Variants in CREG1 observed in about 807,000 individuals in gnomAD.
CREG1 encodes protein CREG1.
In CREG1, 20 loss-of-function variants were observed where a neutral mutation model predicts 19.9. That is an observed-to-expected ratio of 1.01 (90% CI 0.71 to 1.46). The LOEUF (loss-of-function observed/expected upper bound fraction) is 1.46. Ranked by LOEUF, CREG1 falls within the 40% of genes most tolerant of loss-of-function variation. CREG1 has a pLI of 0.00. For missense variants in CREG1, 290 were observed against 314.9 expected, an observed-to-expected ratio of 0.92 and a Z score of 0.60; for synonymous variants, 141 against 143.3, an observed-to-expected ratio of 0.98 and a Z score of 0.12.
At position 167,547,989 on chromosome 1, in the gene CREG1, G is replaced by A. The variant is rs895862727; in HGVS notation, c.474+13C>T. ...TCTGAAACCATCTCCCTTCCTGTAG[G>A]ATAACTACTTACCTTGGTCACAGTT... is the stretch of plus-strand genomic sequence containing the variant. On this transcript the variant is annotated intron_variant, in intron 2 of 3. Transcript: ENST00000370509. 6.2e-7 allele frequency: 1 copy of A among 1,601,010 alleles called. No homozygotes were observed. The highest frequency in any genetic ancestry group is 1.3e-5 in the African/African-American group (1 of 74,612).
rs1013648567 is a variant in CREG1 at position 167,553,672 on chromosome 1, G to A, written c.70C>T (p.Leu24=). 4 of 1,331,760 alleles carry A rather than the reference G, an allele frequency of 3.0e-6. No homozygotes were observed. The South Asian group carries it at 8.1e-5, about 27-fold the overall frequency. 82.5% of individuals were successfully genotyped at this position (1,331,760 alleles called of 1,614,324 possible). The change falls in exon 1 of 4, where the codon CTG becomes TTG. Residue 24 remains leucine, a synonymous_variant. Coordinates refer to ENST00000370509, the MANE Select transcript of CREG1 (RefSeq NM_003851.3). ...CGACCCCGCGCGGGCGACACGAGCA[G>A]CGCCAACAGCGTCGACGCCAGCAGG... ...AALLASTLLA[L]LVSPARGRGG...
chr1:167,547,684 G>A (rs541003602), intron 2 of CREG1, among the ~76,000 whole-genome samples: 3 of 152,276 alleles, frequency 2.0e-5, no homozygotes, highest in South Asian at 2.1e-4. Flanking sequence ...ACTTTGGGAG[G>A]TCGAGGTGGG....
intron 3 of CREG1, among the ~76,000 whole-genome samples, chr1:167,542,910 T>C (rs1002997390): frequency 6.6e-6 from 1 of 152,232 alleles, no homozygotes; most frequent in Non-Finnish European, 1.5e-5. Flanking sequence ...AACATGCTGC[T>C]GCCCAGACTT....
chr1:167,553,729 A>G lies in CREG1; in HGVS notation c.13T>C (p.Ser5Pro). The G allele has an allele frequency of 7.8e-7, 1 of 1,287,108 alleles. No homozygotes were observed. The highest frequency in any genetic ancestry group is 9.8e-7 in the Non-Finnish European group (1 of 1,021,110). 79.7% of individuals were successfully genotyped at this position (1,287,108 alleles called of 1,614,324 possible). A position where few individuals can be genotyped will look rare whatever the true frequency, so the allele number is the denominator to read the frequency against. MAGL[S>P]RGSARALLAA... ...AGCAGTGCGCGCGCGGACCCGCGGG[A>G]TAGCCCGGCCATGGCGGTGTCTCCA... is the stretch of plus-strand genomic sequence containing the variant. The change falls in exon 1 of 4, where the codon TCC becomes CCC. Residue 5 changes from serine to proline, a missense_variant. Physicochemically the swap from Ser to Pro is moderately conservative, Grantham distance 74 (BLOSUM62 -1). Coordinates refer to ENST00000370509, the MANE Select transcript of CREG1 (RefSeq NM_003851.3).
At chr1:167,546,391 C>A in intron 2 of CREG1, 106 bp from the exon 3 acceptor site, 1 of 737,796 alleles carries the variant, frequency 1.4e-6, no homozygotes. Flanking sequence ...CGCCTGTAAT[C>A]CCAGCACTTT....
At chr1:167,549,861 A>AT (rs1295411206) in intron 1 of CREG1, among the ~76,000 whole-genome samples, 1 of 150,276 alleles carries the variant, frequency 6.7e-6, no homozygotes, top group Non-Finnish European at 1.5e-5. Context: ...ATATTTTTTT[A>AT]TTTTTTGTAG....
intron 2 of CREG1, 71 bp downstream of exon 2, chr1:167,547,931 T>C (rs755372389): frequency 3.3e-6 from 5 of 1,508,046 alleles, no homozygotes; most frequent in Non-Finnish European, 4.6e-6. Context: ...AAAAGAAAAA[T>C]GATCTATTCT....
chr1:167,553,435 G>GCACGCCGCTGCC lies in CREG1; in HGVS notation c.295_306dup (p.Gly99_Val102dup). On this transcript the variant is annotated inframe_insertion, in exon 1 of 4. Transcript: ENST00000370509. The stretch of plus-strand genomic sequence containing the variant: ...TGCAGCGGGCTCAGGTAGAAATAGG[G>GCACGCCGCTGCC]CACGCCGCTGCCCGCGCCCGGGGGC... 1 of 1,475,888 alleles carries GCACGCCGCTGCC rather than the reference G, an allele frequency of 6.8e-7. No homozygotes were observed. The highest frequency in any genetic ancestry group is 8.9e-7 in the Non-Finnish European group (1 of 1,120,528). The allele number at this position is 1,475,888 out of a possible 1,614,324, so 91.4% of individuals were successfully genotyped here.
At position 167,545,933 on chromosome 1, in the gene CREG1, C is replaced by T. The variant is rs555354704; in HGVS notation, c.659+168G>A. Among the ~76,000 whole-genome samples the T allele has an allele frequency of 5.7e-4, 87 of 151,996 alleles. 1 individual carries two copies. The highest frequency in any genetic ancestry group is 1.7e-3 in the African/African-American group (72 of 41,450). ...CATTATAGTTGATTTTCTTCTTAAT[C>T]CTCTGTATTTTATGTGTTTAAAACA... On this transcript the variant is annotated intron_variant, in intron 3 of 3. Coordinates refer to ENST00000370509, the MANE Select transcript of CREG1 (RefSeq NM_003851.3).
chr1:167,552,782 C>T (rs1046356514), intron 1 of CREG1, among the ~76,000 whole-genome samples: 3 of 152,132 alleles, frequency 2.0e-5, no homozygotes, highest in African/African-American at 7.2e-5. Flanking sequence ...CGCGGTGGTT[C>T]ACGCCTGTAA....
At chr1:167,547,017 T>C (rs952915554) in intron 2 of CREG1, among the ~76,000 whole-genome samples, 1 of 152,262 alleles carries the variant, frequency 6.6e-6, no homozygotes, top group East Asian at 1.9e-4. Flanking sequence ...CTCAAAAGCA[T>C]GTGCTGCTCC....
chr1:167,550,261 T>C (rs1418350055), intron 1 of CREG1, among the ~76,000 whole-genome samples: 1 of 152,234 alleles, frequency 6.6e-6, no homozygotes, highest in Non-Finnish European at 1.5e-5. Context: ...AGTGCTGGGA[T>C]TACAGGCTGG....
chr1:167,553,141 C>T (rs1430992737), intron 1 of CREG1, among the ~76,000 whole-genome samples: 1 of 151,942 alleles, frequency 6.6e-6, no homozygotes, highest in Non-Finnish European at 1.5e-5. Context: ...GAGAAGTCCT[C>T]GGGCTGCTGG....
intron 2 of CREG1, among the ~76,000 whole-genome samples, chr1:167,546,510 T>C (rs962292177): frequency 6.6e-6 from 1 of 151,002 alleles, no homozygotes; most frequent in African/African-American, 2.4e-5. Flanking sequence ...GATGTGGTGG[T>C]GGGCACCTGT....
intron 3 of CREG1, among the ~76,000 whole-genome samples, chr1:167,542,859 T>A (rs536754357): frequency 6.6e-6 from 1 of 152,156 alleles, no homozygotes; most frequent in Non-Finnish European, 1.5e-5. Flanking sequence ...CTAGGAAATA[T>A]CCGGATGTGC....
intron 1 of CREG1, among the ~76,000 whole-genome samples, chr1:167,551,879 G>C (rs561614499): frequency 6.6e-6 from 1 of 152,236 alleles, no homozygotes; most frequent in African/African-American, 2.4e-5. Flanking sequence ...GAACTGGGGT[G>C]TATCTGCCTT....
Position 167,553,712 on chromosome 1 carries a change from G to C in CREG1, c.30C>G (p.Arg10=). 7.7e-7 allele frequency: 1 copy of C among 1,296,812 alleles called. No individual in the cohort carries two copies. The highest frequency in any genetic ancestry group is 2.5e-5 in the South Asian group (1 of 40,628). The allele number at this position is 1,296,812 out of a possible 1,614,324, so 80.3% of individuals were successfully genotyped here. ...ACGCCAGCAGGGCGGCGAGCAGTGC[G>C]CGCGCGGACCCGCGGGATAGCCCGG... MAGLSRGSA[R]ALLAALLAST... Residue 10 remains arginine, a synonymous_variant, in exon 1 of 4, where the codon CGC becomes CGG. Coordinates refer to ENST00000370509, the MANE Select transcript of CREG1 (RefSeq NM_003851.3).
chr1:167,541,380 AAG>A lies in CREG1; in HGVS notation c.*916_*917del, dbSNP rs2102147352. 1.3e-5 allele frequency: 2 copies of A among 152,314 alleles called. No individual in the cohort carries two copies. Among genetic ancestry groups the A allele is most frequent in the Non-Finnish European group, 2.9e-5 (2 of 68,026 alleles). 9.4% of individuals were successfully genotyped at this position (152,314 alleles called of 1,614,324 possible). On this transcript the variant is annotated 3_prime_UTR_variant, in exon 4 of 4. Transcript: ENST00000370509. ...ATTAAGAGATTTGGGGCAGTTGAGG[AAG>A]CCTTAGGTAATTGTTAAGAGTAGAA... is the stretch of plus-strand genomic sequence containing the variant.
At position 167,547,194 on chromosome 1, in the gene CREG1, C is replaced by T. The variant is rs1052251275; in HGVS notation, c.474+808G>A. ...AGCACTCCTGACACCATGCCCACTG[C>T]TCTTCCTGAGATTGTATTTGACCTC... is the stretch of plus-strand genomic sequence containing the variant. On this transcript the variant is annotated intron_variant, in intron 2 of 3. Transcript: ENST00000370509. Among the ~76,000 whole-genome samples the T allele has an allele frequency of 5.3e-5, 8 of 152,340 alleles. No individual in the cohort carries two copies. The South Asian group carries it at 6.2e-4, about 12-fold the overall frequency.
Sources: gnomAD v4.1 joint callset for allele counts (sites outside exome capture counted in the v4.1 genomes callset) on GRCh38, gnomAD v4.1.1 for gene constraint, MANE v1.5 for transcripts, NCBI Gene and HGNC (gene_info 2026-07-23, HGNC 2026-07-21) for gene names.